The following SLCO1A2 variants were observed in gnomAD, a reference collection of about 807,000 sequenced individuals.
SLCO1A2 encodes solute carrier organic anion transporter family member 1A2, also known as OATP-1.
In SLCO1A2, 67 loss-of-function variants were observed where a neutral mutation model predicts 69.0. The ratio of observed to expected loss-of-function variants is 0.97; its 90% CI spans 0.80 to 1.19. The LOEUF (loss-of-function observed/expected upper bound fraction) is 1.19, where lower values mean the gene tolerates loss of function less well. Ranked by LOEUF, SLCO1A2 falls within the 50% of genes most tolerant of loss-of-function variation. The pLI is 0.00. For missense variants in SLCO1A2, 787 were observed against 793.7 expected (o/e 0.99, Z 0.10); for synonymous variants, 260 against 265.9 (o/e 0.98, Z 0.22).
At chr12:21,276,136 G>A (rs1943784251) in intron 12 of SLCO1A2, among the ~76,000 whole-genome samples, 1 of 152,112 alleles carries the variant, frequency 6.6e-6, no homozygotes, top group African/African-American at 2.4e-5. Flanking sequence ...AGTCTCAGAT[G>A]TGTAAGGTTT....
chr12:21,293,577 A>ATG (rs763585819), intron 11 of SLCO1A2, among the ~76,000 whole-genome samples: 134 of 150,418 alleles, frequency 8.9e-4, no homozygotes, highest in Admixed American at 1.5e-3. Context: ...ATATATATAT[A>ATG]TGTGTGTATA....
intron 14 of SLCO1A2, among the ~76,000 whole-genome samples, chr12:21,270,097 A>G (rs1413007252): frequency 6.6e-6 from 1 of 151,856 alleles, no homozygotes. Context: ...TTATTCTAGT[A>G]TTTAGTAAGA....
intron 6 of SLCO1A2, among the ~76,000 whole-genome samples, chr12:21,302,080 C>G (rs1229718524): frequency 6.6e-6 from 1 of 152,092 alleles, no homozygotes; most frequent in Non-Finnish European, 1.5e-5. Flanking sequence ...TTTTGCTCTA[C>G]CAAATACTCC....
At chr12:21,415,615 C>T (rs1415895329) in intron 1 of SLCO1A2, among the ~76,000 whole-genome samples, 3 of 152,020 alleles carry the variant, frequency 2.0e-5, no homozygotes, top group Non-Finnish European at 2.9e-5. Context: ...TTATTGTGGA[C>T]CCCAGTGTTG....
At chr12:21,346,565 T>A (rs1953259576) in intron 2 of SLCO1A2, among the ~76,000 whole-genome samples, 1 of 152,100 alleles carries the variant, frequency 6.6e-6, no homozygotes, top group Non-Finnish European at 1.5e-5. Flanking sequence ...GAAAATGACT[T>A]TTGTTCTTGC....
intron 12 of SLCO1A2, among the ~76,000 whole-genome samples, chr12:21,289,210 G>GTA (rs1555108976): frequency 1.3e-5 from 2 of 151,412 alleles, no homozygotes; most frequent in Non-Finnish European, 2.9e-5. Context: ...GTGTGTGTGT[G>GTA]TGTGTGTGTG....
At chr12:21,350,530 A>T (rs936226895) in intron 2 of SLCO1A2, among the ~76,000 whole-genome samples, 11 of 152,134 alleles carry the variant, frequency 7.2e-5, no homozygotes, top group African/African-American at 2.7e-4. Context: ...ATGCAAATAA[A>T]TACAAATTAA....
At chr12:21,415,375 C>G (rs1013109782) in intron 1 of SLCO1A2, among the ~76,000 whole-genome samples, 3 of 152,042 alleles carry the variant, frequency 2.0e-5, no homozygotes, top group Admixed American at 6.6e-5. Flanking sequence ...AATGTTTATT[C>G]TTTTAATCGT....
At chr12:21,354,931 C>G (rs1419898634) in intron 2 of SLCO1A2, 1 of 152,110 alleles carries the variant, frequency 6.6e-6, no homozygotes, top group Non-Finnish European at 1.5e-5. Context: ...TGCACATGCA[C>G]TCCTTGGATT....
rs1292120656 is a variant in SLCO1A2 at position 21,300,395 on chromosome 12, T to C, written c.863A>G (p.Asp288Gly). ...CTTCTTGACCTCTTCTTTTTGTTTGTCTTCATTTTCATTTTTAATGATGTC... is the reference window on the plus strand; with the variant it reads ...CTTCTTGACCTCTTCTTTTTGTTTGCCTTCATTTTCATTTTTAATGATGTC... The part of the protein sequence containing the change: ...NADIIKNENE[D>G]KQKEEVKKEK... The change falls in exon 8 of 15, where the codon GAC becomes GGC. Residue 288 changes from aspartate (D) to glycine (G), a missense_variant. Physicochemically the swap from Asp to Gly is moderately conservative, Grantham distance 94. Coordinates refer to ENST00000683939, the MANE Select transcript of SLCO1A2 (RefSeq NM_001386879.1). The C allele has an allele frequency of 6.2e-7, 1 of 1,613,460 alleles. No individual in the cohort carries two copies. Among genetic ancestry groups the C allele is most frequent in the Admixed American group, 1.7e-5 (1 of 59,918 alleles).
chr12:21,321,968 C>G (rs1381870395), intron 2 of SLCO1A2, among the ~76,000 whole-genome samples: 1 of 152,106 alleles, frequency 6.6e-6, no homozygotes, highest in Admixed American at 6.6e-5. Context: ...ATGTTATTTA[C>G]CCCTGTGGCC....
intron 1 of SLCO1A2, among the ~76,000 whole-genome samples, chr12:21,417,538 G>A (rs778903147): frequency 1.3e-5 from 2 of 151,190 alleles, no homozygotes; most frequent in Non-Finnish European, 2.9e-5. Flanking sequence ...CCTTAAAAGA[G>A]GGGAATTTGG....
chr12:21,328,681 C>T (rs536371520), intron 2 of SLCO1A2, among the ~76,000 whole-genome samples: 91 of 152,258 alleles, frequency 6.0e-4, no homozygotes, highest in Middle Eastern at 3.4e-3. Context: ...CTGTGCTGAA[C>T]TACCATTGGC....
chr12:21,295,109 A>G (rs925968888), intron 10 of SLCO1A2: 1 of 152,308 alleles, frequency 6.6e-6, no homozygotes, highest in African/African-American at 2.4e-5. Context: ...TAGACATAGC[A>G]ATATAAATGA....
intron 4 of SLCO1A2, among the ~76,000 whole-genome samples, chr12:21,312,320 TC>T (rs1227189806): frequency 6.6e-6 from 1 of 152,190 alleles, no homozygotes; most frequent in African/African-American, 2.4e-5. Flanking sequence ...TCCTAATCTC[TC>T]TTAACTTTCG....
intron 2 of SLCO1A2, chr12:21,324,454 T>C (rs946652935): frequency 2.6e-5 from 4 of 152,190 alleles, no homozygotes; most frequent in Non-Finnish European, 5.9e-5. Flanking sequence ...TTGGCTTTGC[T>C]GGAAATTTAC....
At chr12:21,382,228 G>A (rs1940629582) in intron 1 of SLCO1A2, among the ~76,000 whole-genome samples, 1 of 152,136 alleles carries the variant, frequency 6.6e-6, no homozygotes, top group Non-Finnish European at 1.5e-5. Flanking sequence ...AACAACAAGA[G>A]TGGAAAACCA....
intron 1 of SLCO1A2, among the ~76,000 whole-genome samples, chr12:21,408,202 T>C (rs1326956788): frequency 6.6e-6 from 1 of 152,222 alleles, no homozygotes; most frequent in Non-Finnish European, 1.5e-5. Flanking sequence ...ATGCCTGTTT[T>C]ATATGACAAA....
chr12:21,299,472 T>G (rs1255785976), intron 8 of SLCO1A2, among the ~76,000 whole-genome samples: 4 of 151,914 alleles, frequency 2.6e-5, no homozygotes, highest in African/African-American at 9.7e-5. Context: ...TTTTAAATTT[T>G]TTTACAATTT....
Sources: gnomAD v4.1 joint callset for allele counts (sites outside exome capture counted in the v4.1 genomes callset) on GRCh38, gnomAD v4.1.1 for gene constraint, MANE v1.5 for transcripts, NCBI Gene and HGNC (gene_info 2026-07-23, HGNC 2026-07-21) for gene names.